Variants in TIMM44 observed in about 807,000 individuals in gnomAD.
The protein encoded by TIMM44 is mitochondrial import inner membrane translocase subunit TIM44.
A neutral mutation model predicts 63.8 loss-of-function variants in TIMM44; 37 were observed. That is an observed-to-expected ratio of 0.58 (90% CI 0.45 to 0.76). The LOEUF (loss-of-function observed/expected upper bound fraction) is 0.76. Ranked by LOEUF, TIMM44 falls within the 30% of genes least tolerant of loss-of-function variation. TIMM44 has a pLI of 0.00. For missense variants in TIMM44, 573 were observed against 603.8 expected (o/e 0.95, Z 0.54); for synonymous variants, 239 against 245.1 (o/e 0.98, Z 0.23).
rs1306639020 is a variant in TIMM44, at chr19:7,932,913, C to T, written c.789G>A (p.Met263Ile). 6.2e-7 allele frequency: 1 copy of T among 1,614,174 alleles called. No homozygotes were observed. The highest frequency in any genetic ancestry group is 8.5e-7 in the Non-Finnish European group (1 of 1,180,012). Residue 263 changes from methionine (M) to isoleucine (I), a missense_variant, in exon 8 of 13, where the codon ATG (methionine) becomes ATA (isoleucine). Transcript: ENST00000270538. ...ACGCGTTGTCGCTTTCGTCATACTTCATCTTCATCTCGAAGAACCCTGTGG... is the reference window on the plus strand; with the variant it reads ...ACGCGTTGTCGCTTTCGTCATACTTTATCTTCATCTCGAAGAACCCTGTGG... ...VVFNRFFEMK[M>I]KYDESDNAFI...
At chr19:7,928,863 C>T (rs1386749366) in intron 10 of TIMM44, 1 of 149,626 alleles carries the variant, frequency 6.7e-6, no homozygotes, top group East Asian at 1.9e-4. Flanking sequence ...ACCAGCAGCT[C>T]CCTGGCAAAG....
intron 9 of TIMM44, chr19:7,931,484 G>A (rs1983981099): frequency 2.3e-6 from 1 of 444,360 alleles, no homozygotes; most frequent in Non-Finnish European, 4.2e-6. Context: ...GAGAAAGGTG[G>A]CTGGGGACCC....
chr19:7,932,808 C>G, intron 8 of TIMM44, 32 bp downstream of exon 8: 3 of 1,614,156 alleles, frequency 1.9e-6, no homozygotes, highest in Non-Finnish European at 2.5e-6. Context: ...GCCCCACCAC[C>G]AGCCTGCGAG....
At chr19:7,928,739 C>T (rs1257005792) in intron 10 of TIMM44, 2 of 150,784 alleles carry the variant, frequency 1.3e-5, no homozygotes, top group African/African-American at 2.4e-5. Context: ...GACTGATCCG[C>T]GGAGGGGAGA....
chr19:7,929,859 CTTTT>C (rs925858830), intron 10 of TIMM44, among the ~76,000 whole-genome samples: 1 of 151,556 alleles, frequency 6.6e-6, no homozygotes, highest in Non-Finnish European at 1.5e-5. Context: ...ATTATTATTT[CTTTT>C]TTTTTAAGAC....
Position 7,926,921 on chromosome 19 carries a change from T to C in TIMM44, c.*266A>G, listed in dbSNP as rs1051348772. On this transcript the variant is annotated 3_prime_UTR_variant, in exon 13 of 13. Transcript: ENST00000270538. ...GCCTCTTGGCACTGTGTGACCTGTG[T>C]GCACCCCAGGTGACCAGGCGCCGGG... The C allele has an allele frequency of 3.2e-5, 15 of 475,952 alleles. No homozygotes were observed. The highest frequency in any genetic ancestry group is 1.8e-4 in the African/African-American group (9 of 50,702). The allele number at this position is 475,952 out of a possible 1,614,324, so 29.5% of individuals were successfully genotyped here. A position where few individuals can be genotyped will look rare whatever the true frequency, so the allele number is the denominator to read the frequency against.
intron 2 of TIMM44, among the ~76,000 whole-genome samples, chr19:7,939,123 C>T (rs566503595): frequency 2.0e-5 from 3 of 152,006 alleles, no homozygotes; most frequent in South Asian, 2.1e-4. Context: ...AAGAGGGAAC[C>T]GGAAGGTAAA....
At chr19:7,937,929 A>G in intron 3 of TIMM44, 98 bp downstream of exon 3, 1 of 1,426,814 alleles carries the variant, frequency 7.0e-7, no homozygotes, top group South Asian at 1.1e-5. Flanking sequence ...GAGGCAGGGG[A>G]ATCACTTGAA....
At position 7,927,945 on chromosome 19, in the gene TIMM44, C is replaced by T. The variant is rs1038380476; in HGVS notation, c.1128+132G>A. 3.5e-6 allele frequency: 4 copies of T among 1,128,804 alleles called. No individual in the cohort carries two copies. The African/African-American group carries it at 6.2e-5, about 17-fold the overall frequency. The allele number at this position is 1,128,804 out of a possible 1,614,324, so 69.9% of individuals were successfully genotyped here. ...GACCAGGCCTCCCTCGAGACCCTCCCCTTGGACAAGCCCAAGACCTCTTGG... is the reference window on the plus strand; with the variant it reads ...GACCAGGCCTCCCTCGAGACCCTCCTCTTGGACAAGCCCAAGACCTCTTGG... On this transcript the variant is annotated intron_variant, in intron 11 of 12. Transcript: ENST00000270538.
Position 7,932,711 on chromosome 19 carries a change from C to T in TIMM44, c.903G>A (p.Thr301=), listed in dbSNP as rs372298685. 1.4e-5 allele frequency: 22 copies of T among 1,614,022 alleles called. No individual in the cohort carries two copies. The highest frequency in any genetic ancestry group is 1.1e-4 in the African/African-American group (8 of 74,916). ...FSKTEMSEVL[T]EILRVDPAFD... ...AGGCCGGGTCCACCCGGAGGATCTC[C>T]GTGAGCACCTCCGACATCTCTGTCT... Residue 301 remains threonine, a synonymous_variant, in exon 9 of 13, where the codon ACG becomes ACA. Coordinates refer to ENST00000270538, the MANE Select transcript of TIMM44 (RefSeq NM_006351.4).
At position 7,931,202 on chromosome 19, in the gene TIMM44, GA is replaced by G. The variant is rs767002806; in HGVS notation, c.988-15del. Reference sequence around the variant, plus strand: ...AGAAATCATGGCCTAAAAAGGAAGGGAAAATAAGCACCAGAACGAGAGTGGG... The same window carrying G: ...AGAAATCATGGCCTAAAAAGGAAGGGAAATAAGCACCAGAACGAGAGTGGG... On this transcript the variant is annotated splice_polypyrimidine_tract_variant and intron_variant, in intron 9 of 12. Transcript: ENST00000270538. 1.2e-6 allele frequency: 2 copies of G among 1,613,368 alleles called. No homozygotes were observed. Among genetic ancestry groups the G allele is most frequent in the South Asian group, 2.2e-5 (2 of 91,070 alleles).
In TIMM44 at chr19:7,943,166, G is replaced by A. The variant is rs1054774652; in HGVS notation, c.45+441C>T. On this transcript the variant is annotated intron_variant, in intron 1 of 12. Coordinates refer to ENST00000270538, the MANE Select transcript of TIMM44 (RefSeq NM_006351.4). This position sits in a 1 kb window ranked among gnomAD's most constrained non-coding sequence, Gnocchi z 4.3. ...TGTGGACCCAAGAGCCTGCTAGGGCGCGAACCACCTCTCGCACATCCACAA... is the reference window on the plus strand; with the variant it reads ...TGTGGACCCAAGAGCCTGCTAGGGCACGAACCACCTCTCGCACATCCACAA... 2.6e-5 allele frequency among the ~76,000 whole-genome samples: 4 copies of A among 152,174 alleles called. No homozygotes were observed. Among genetic ancestry groups the A allele is most frequent in the African/African-American group, 9.6e-5 (4 of 41,524 alleles).
rs1457478515 is a variant in TIMM44 at position 7,934,520 on chromosome 19, C to T, written c.394-282G>A. Among the ~76,000 whole-genome samples, 1 of 152,196 alleles carries T rather than the reference C, an allele frequency of 6.6e-6. No individual in the cohort carries two copies. Among genetic ancestry groups the T allele is most frequent in the African/African-American group, 2.4e-5 (1 of 41,458 alleles). ...CAGAGCCATGAGCACACCGCCACGG[C>T]TTCCGGGATGCTGGCCCTGGGCTCT... On this transcript the variant is annotated intron_variant, in intron 4 of 12. Transcript: ENST00000270538. This position sits in a 1 kb window ranked among gnomAD's most constrained non-coding sequence, Gnocchi z 5.3.
In TIMM44 at chr19:7,932,746, G is replaced by C. The variant is rs375586202; in HGVS notation, c.868C>G (p.Leu290Val). 5 of 1,614,022 alleles carry C rather than the reference G, an allele frequency of 3.1e-6. No homozygotes were observed. The highest frequency in any genetic ancestry group is 1.3e-5 in the African/African-American group (1 of 74,946). ...TDKVTDLLGG[L>V]FSKTEMSEVL... Reference sequence around the variant, plus strand: ...TCCGACATCTCTGTCTTGGAGAACAGGCCCCCTGCAGGGAGCAGAGCCGGG... The same window carrying C: ...TCCGACATCTCTGTCTTGGAGAACACGCCCCCTGCAGGGAGCAGAGCCGGG... Residue 290 changes from leucine (L) to valine (V), a missense_variant, in exon 9 of 13, where the codon CTG becomes GTG. Transcript: ENST00000270538.
Position 7,933,721 on chromosome 19 carries a change from C to A in TIMM44, c.683+143G>T. On this transcript the variant is annotated intron_variant, in intron 6 of 12. Coordinates refer to ENST00000270538, the MANE Select transcript of TIMM44 (RefSeq NM_006351.4). This position sits in a 1 kb window ranked among gnomAD's most constrained non-coding sequence, Gnocchi z 4.3. ...GGACCCCGCCCTCACCTCTCACCCT[C>A]AAATTCGAGGGAGCCGGGAACCTTG... 7.0e-7 allele frequency: 1 copy of A among 1,420,722 alleles called. No homozygotes were observed. Among genetic ancestry groups the A allele is most frequent in the Non-Finnish European group, 9.9e-7 (1 of 1,014,236 alleles). The allele number at this position is 1,420,722 out of a possible 1,614,324, so 88.0% of individuals were successfully genotyped here. A position where few individuals can be genotyped will look rare whatever the true frequency, so the allele number is the denominator to read the frequency against.
At chr19:7,939,554 A>G (rs893383556) in intron 2 of TIMM44, among the ~76,000 whole-genome samples, 17 of 150,124 alleles carry the variant, frequency 1.1e-4, no homozygotes, top group African/African-American at 4.2e-4. Flanking sequence ...CGGAGGTTGC[A>G]GTGAGCCAAG....
At position 7,941,593 on chromosome 19, in the gene TIMM44, C is replaced by A. The variant is rs138454884; in HGVS notation, c.46-396G>T. The stretch of plus-strand genomic sequence containing the variant: ...GCATGAGCCACTGCACCTGGCCTCA[C>A]TGGCCAATTTGTATCTTATGCCTGA... On this transcript the variant is annotated intron_variant, in intron 1 of 12. Coordinates refer to ENST00000270538, the MANE Select transcript of TIMM44 (RefSeq NM_006351.4). Among the ~76,000 whole-genome samples, 710 of 152,000 alleles carry A rather than the reference C, an allele frequency of 4.7e-3. 4 individuals carry two copies. The highest frequency in any genetic ancestry group is 0.016 in the African/African-American group (670 of 41,448).
At chr19:7,940,619 G>C (rs1408489885) in intron 2 of TIMM44, among the ~76,000 whole-genome samples, 2 of 152,142 alleles carry the variant, frequency 1.3e-5, no homozygotes, top group African/African-American at 4.8e-5. Flanking sequence ...CTGGGGAAGG[G>C]AGTCAGGTTT....
chr19:7,934,915 C>A lies in TIMM44; in HGVS notation c.393+150G>T. The A allele has an allele frequency of 1.4e-6, 1 of 717,214 alleles. No individual in the cohort carries two copies. Among genetic ancestry groups the A allele is most frequent in the Non-Finnish European group, 2.5e-6 (1 of 407,298 alleles). The allele number at this position is 717,214 out of a possible 1,614,324, so 44.4% of individuals were successfully genotyped here. On this transcript the variant is annotated intron_variant, in intron 4 of 12. Transcript: ENST00000270538. This position sits in a 1 kb window ranked among gnomAD's most constrained non-coding sequence, Gnocchi z 5.3. ...GACCTCACCCTGCATGTGCCGGGAACTCCTGAAACCTTCCCGAGGGTGGCA... is the reference window on the plus strand; with the variant it reads ...GACCTCACCCTGCATGTGCCGGGAAATCCTGAAACCTTCCCGAGGGTGGCA...
Sources: allele counts gnomAD v4.1 joint callset (sites outside exome capture counted in the v4.1 genomes callset), GRCh38; gene constraint gnomAD v4.1.1; non-coding constraint Gnocchi (gnomAD v3.1); transcripts MANE v1.5; gene names NCBI Gene and HGNC (gene_info 2026-07-23, HGNC 2026-07-21).